Variants in GRID2 observed in about 807,000 individuals in gnomAD.
GRID2 encodes the protein glutamate receptor ionotropic, delta-2.
GRID2 carries 33 observed loss-of-function variants against 114.8 expected under a neutral mutation model. That is an observed-to-expected ratio of 0.29 (90% CI 0.22 to 0.38). GRID2 has a LOEUF of 0.38. Ranked by LOEUF, GRID2 falls within the 10% of genes least tolerant of loss-of-function variation. The probability of loss-of-function intolerance (pLI) is 1.00; values close to 1 mark genes in which losing one functional copy is unlikely to be tolerated. For missense variants in GRID2, 1,184 were observed against 1,257.7 expected (o/e 0.94, Z 0.89); for synonymous variants, 505 against 449.9 (o/e 1.12, Z -1.55).
intron 2 of GRID2, among the ~76,000 whole-genome samples, chr4:92,634,126 C>CAAA (rs1730947786): frequency 6.8e-6 from 1 of 148,022 alleles, no homozygotes; most frequent in African/African-American, 2.5e-5. Context: ...AAAAAAAAAA[C>CAAA]AACAAAAAAC....
At chr4:92,644,587 C>G (rs1269302944) in intron 2 of GRID2, among the ~76,000 whole-genome samples, 1 of 151,580 alleles carries the variant, frequency 6.6e-6, no homozygotes, top group African/African-American at 2.4e-5. Context: ...GACTTGTGTT[C>G]CTTGAACAAA....
chr4:93,077,208 A>G, intron 2 of GRID2, among the ~76,000 whole-genome samples: 1 of 152,334 alleles, frequency 6.6e-6, no homozygotes, highest in Non-Finnish European at 1.5e-5. Context: ...TAAAATTAAC[A>G]TTATGTGATA....
intron 2 of GRID2, among the ~76,000 whole-genome samples, chr4:92,745,731 G>A (rs1737120888): frequency 6.6e-6 from 1 of 152,082 alleles, no homozygotes; most frequent in Non-Finnish European, 1.5e-5. Context: ...TGGTGGTGGT[G>A]AGGTCTCACT....
At chr4:92,577,274 ATAT>A (rs1360730500) in intron 1 of GRID2, among the ~76,000 whole-genome samples, 1 of 152,182 alleles carries the variant, frequency 6.6e-6, no homozygotes, top group African/African-American at 2.4e-5. Context: ...AAGATTTCTC[ATAT>A]AGAGTATACA....
intron 14 of GRID2, among the ~76,000 whole-genome samples, chr4:93,768,120 T>C (rs535213542): frequency 1.3e-5 from 2 of 152,270 alleles, no homozygotes; most frequent in East Asian, 1.9e-4. Flanking sequence ...ATCTGAGCTC[T>C]GTCCACACTC....
intron 1 of GRID2, among the ~76,000 whole-genome samples, chr4:93,786,567 A>T (rs1734595651): frequency 6.6e-6 from 1 of 152,232 alleles, no homozygotes; most frequent in South Asian, 2.1e-4. Context: ...AAAAGTATGG[A>T]TGTGAATGCA....
At chr4:92,714,661 A>C (rs1735443996) in intron 2 of GRID2, among the ~76,000 whole-genome samples, 1 of 152,158 alleles carries the variant, frequency 6.6e-6, no homozygotes, top group Non-Finnish European at 1.5e-5. Flanking sequence ...CTATGCACCC[A>C]CAGGCTCAAT....
intron 2 of GRID2, among the ~76,000 whole-genome samples, chr4:92,831,156 T>C (rs956009503): frequency 9.2e-5 from 14 of 152,228 alleles, no homozygotes; most frequent in African/African-American, 3.1e-4. Context: ...TTAACTTGCA[T>C]TCCATGTAAC....
At chr4:93,332,854 C>A (rs190344711) in intron 8 of GRID2, among the ~76,000 whole-genome samples, 23 of 152,140 alleles carry the variant, frequency 1.5e-4, no homozygotes. Flanking sequence ...TTTCTTCTCC[C>A]CAGGTAATTA....
At chr4:92,863,779 A>G (rs907383036) in intron 2 of GRID2, among the ~76,000 whole-genome samples, 1 of 152,138 alleles carries the variant, frequency 6.6e-6, no homozygotes, top group Non-Finnish European at 1.5e-5. Context: ...TTAGGTCACC[A>G]TGGAAGGAAC....
intron 2 of GRID2, among the ~76,000 whole-genome samples, chr4:92,838,396 T>A (rs1288698464): frequency 6.6e-6 from 1 of 152,096 alleles, no homozygotes; most frequent in African/African-American, 2.4e-5. Context: ...ATGATAATAG[T>A]CTACACTTGA....
At chr4:93,036,103 A>G (rs190867151) in intron 2 of GRID2, among the ~76,000 whole-genome samples, 36 of 152,224 alleles carry the variant, frequency 2.4e-4, no homozygotes, top group African/African-American at 6.5e-4. Flanking sequence ...TAATCAGGCA[A>G]TGAGTCTATA....
At chr4:93,771,085 C>T in intron 15 of GRID2, among the ~76,000 whole-genome samples, 1 of 152,098 alleles carries the variant, frequency 6.6e-6, no homozygotes, top group Non-Finnish European at 1.5e-5. Context: ...ATTTTCTCCT[C>T]TTATGATTAA....
intron 11 of GRID2, among the ~76,000 whole-genome samples, chr4:93,461,206 G>A (rs190218537): frequency 1.3e-3 from 196 of 152,156 alleles, no homozygotes; most frequent in African/African-American, 4.4e-3. Context: ...ATGCTGAATC[G>A]CATATGATTA....
chr4:92,955,913 A>G (rs1360217381), intron 2 of GRID2, among the ~76,000 whole-genome samples: 1 of 151,988 alleles, frequency 6.6e-6, no homozygotes, highest in Non-Finnish European at 1.5e-5. Context: ...TAGAGATAGG[A>G]TTTCACCGTG....
At chr4:93,733,897 A>G (rs149678991) in intron 14 of GRID2, among the ~76,000 whole-genome samples, 1 of 152,122 alleles carries the variant, frequency 6.6e-6, no homozygotes, top group East Asian at 1.9e-4. Context: ...CAGAGCAAGC[A>G]GCAAAGCTAT....
intron 13 of GRID2, among the ~76,000 whole-genome samples, chr4:93,605,946 T>A (rs1389344570): frequency 6.6e-6 from 1 of 152,064 alleles, no homozygotes; most frequent in Non-Finnish European, 1.5e-5. Flanking sequence ...TATGAAAAGA[T>A]TAGTAGAAGT....
intron 13 of GRID2, among the ~76,000 whole-genome samples, chr4:93,599,473 A>G (rs547108922): frequency 5.7e-4 from 87 of 152,358 alleles, no homozygotes; most frequent in African/African-American, 2.0e-3. Context: ...TAATTTTATC[A>G]TCATTGAAAC....
At chr4:93,003,785 A>G (rs914879249) in intron 2 of GRID2, among the ~76,000 whole-genome samples, 1 of 152,000 alleles carries the variant, frequency 6.6e-6, no homozygotes, top group Non-Finnish European at 1.5e-5. Flanking sequence ...CTAAAACTCT[A>G]TTTAATCAGA....
Sources: gnomAD v4.1 joint callset for allele counts (sites outside exome capture counted in the v4.1 genomes callset) on GRCh38, gnomAD v4.1.1 for gene constraint, MANE v1.5 for transcripts, NCBI Gene and HGNC (gene_info 2026-07-23, HGNC 2026-07-21) for gene names.